The following MYH9 variants were observed in gnomAD, a reference collection of about 807,000 sequenced individuals.
MYH9 encodes myosin-9.
A neutral mutation model predicts 241.9 loss-of-function variants in MYH9; 29 were observed. That is an observed-to-expected ratio of 0.12 (90% CI 0.09 to 0.16). The LOEUF (loss-of-function observed/expected upper bound fraction) is 0.16, where lower values mean the gene tolerates loss of function less well. MYH9 is among the 10% of genes least tolerant of loss of function. MYH9 has a pLI of 1.00. For missense variants in MYH9, 1,803 were observed against 2,595.5 expected (o/e 0.69, Z 6.63); for synonymous variants, 1,047 against 1,062.6 (o/e 0.99, Z 0.29).
rs2016969026 is a variant in MYH9 at position 36,306,304 on chromosome 22, C to T, written c.2037+110G>A. The T allele has an allele frequency of 7.0e-7, 1 of 1,424,920 alleles. No individual in the cohort carries two copies. The highest frequency in any genetic ancestry group is 1.9e-5 in the Admixed American group (1 of 52,344). The allele number at this position is 1,424,920 out of a possible 1,614,324, so 88.3% of individuals were successfully genotyped here. On this transcript the variant is annotated intron_variant, in intron 16 of 40. Transcript: ENST00000216181. The surrounding 1 kb of genome is among the most constrained non-coding windows in gnomAD (Gnocchi z 4.1). ...CACCCTGCAGAGAAACGACTGAAGG[C>T]TCTGTGCATGCTGGGGGGCTGGAGG...
At position 36,307,253 on chromosome 22, in the gene MYH9, C is replaced by T. The variant is rs192628914; in HGVS notation, c.1844-646G>A. Among the ~76,000 whole-genome samples, 571 of 152,290 alleles carry T rather than the reference C, an allele frequency of 3.7e-3. 1 individual carries two copies. The highest frequency in any genetic ancestry group is 6.1e-3 in the Non-Finnish European group (418 of 68,016). Reference sequence around the variant, plus strand: ...CACGTACTTGTATTTCATTTTGTCTCCTGGTGCACGGGTCTTTCTCATGTA... The same window carrying T: ...CACGTACTTGTATTTCATTTTGTCTTCTGGTGCACGGGTCTTTCTCATGTA... On this transcript the variant is annotated intron_variant, in intron 15 of 40. Transcript: ENST00000216181.
At position 36,284,481 on chromosome 22, in the gene MYH9, A is replaced by C. The variant is rs2016545896; in HGVS notation, c.5514T>G (p.Arg1838=). 6.2e-7 allele frequency: 1 copy of C among 1,613,152 alleles called. No individual in the cohort carries two copies. Among genetic ancestry groups the C allele is most frequent in the Admixed American group, 1.7e-5 (1 of 60,006 alleles). Residue 1838 remains arginine (R), a synonymous_variant, in exon 39 of 41, where the codon CGT becomes CGG. Coordinates refer to ENST00000216181, the MANE Select transcript of MYH9 (RefSeq NM_002473.6). ...KERQAACKQV[R]RTEKKLKDVL... ...CATCCTTCAGCTTCTTCTCGGTCCG[A>C]CGCACCTGTTTGCAGGCTGCCTGGC...
intron 19 of MYH9, among the ~76,000 whole-genome samples, chr22:36,302,935 G>T (rs1220659898): frequency 1.3e-5 from 2 of 152,202 alleles, no homozygotes; most frequent in Non-Finnish European, 2.9e-5. Flanking sequence ...GTGCCCATGG[G>T]GGTGAAGGCA....
In MYH9 at chr22:36,285,265, C is replaced by T. The variant is rs760128307; in HGVS notation, c.5339G>A (p.Arg1780Gln). The T allele has an allele frequency of 7.4e-6, 12 of 1,614,024 alleles. No individual in the cohort carries two copies. In the South Asian group the frequency reaches 7.7e-5, roughly 10 times the overall value. ...RSHAQKNENA[R>Q]QQLERQNKEL... is the part of the protein sequence containing the mutation. ...CTTGTTCTGGCGTTCCAGCTGCTGCCGAGCATTCTCGTTCTTCTGGGCGTG... is the reference window on the plus strand; with the variant it reads ...CTTGTTCTGGCGTTCCAGCTGCTGCTGAGCATTCTCGTTCTTCTGGGCGTG... The change falls in exon 38 of 41, where the codon CGG becomes CAG. Residue 1780 changes from arginine (R) to glutamine (Q), a missense_variant. This residue lies in a region of MYH9 where 876 missense variants were observed against 1,077.8 expected (regional missense o/e 0.81). Coordinates refer to ENST00000216181, the MANE Select transcript of MYH9 (RefSeq NM_002473.6). This position sits in a 1 kb window ranked among gnomAD's most constrained non-coding sequence, Gnocchi z 7.0.
intron 23 of MYH9, among the ~76,000 whole-genome samples, chr22:36,299,679 C>T (rs1427552334): frequency 6.6e-6 from 1 of 152,178 alleles, no homozygotes; most frequent in African/African-American, 2.4e-5. Context: ...ACTGGTTCCC[C>T]GGCTGCTATC....
chr22:36,295,195 C>T lies in MYH9; in HGVS notation c.3486-119G>A. The T allele has an allele frequency of 7.2e-7, 1 of 1,382,734 alleles. No individual in the cohort carries two copies. Among genetic ancestry groups the T allele is most frequent in the Non-Finnish European group, 1.0e-6 (1 of 980,106 alleles). 85.7% of individuals were successfully genotyped at this position (1,382,734 alleles called of 1,614,324 possible). On this transcript the variant is annotated intron_variant, in intron 26 of 40. Transcript: ENST00000216181. This position sits in a 1 kb window ranked among gnomAD's most constrained non-coding sequence, Gnocchi z 4.1. ...GGCACAGGCACTCCAGGCAGCTTTTCTACCCACCGGCCCCTCCTAGCCATC... is the reference window on the plus strand; with the variant it reads ...GGCACAGGCACTCCAGGCAGCTTTTTTACCCACCGGCCCCTCCTAGCCATC...
At chr22:36,311,003 C>T (rs1053390919) in intron 14 of MYH9, among the ~76,000 whole-genome samples, 4 of 152,092 alleles carry the variant, frequency 2.6e-5, no homozygotes, top group East Asian at 3.8e-4. Flanking sequence ...TAGAAGAGGC[C>T]GGCACAGGTG....
chr22:36,305,788 G>C lies in MYH9; in HGVS notation c.2159+142C>G. 1 of 1,206,542 alleles carries C rather than the reference G, an allele frequency of 8.3e-7. No individual in the cohort carries two copies. The highest frequency in any genetic ancestry group is 1.2e-6 in the Non-Finnish European group (1 of 825,762). The allele number at this position is 1,206,542 out of a possible 1,614,324, so 74.7% of individuals were successfully genotyped here. On this transcript the variant is annotated intron_variant, in intron 17 of 40. Coordinates refer to ENST00000216181, the MANE Select transcript of MYH9 (RefSeq NM_002473.6). This position sits in a 1 kb window ranked among gnomAD's most constrained non-coding sequence, Gnocchi z 4.7. The stretch of plus-strand genomic sequence containing the variant: ...GTGGAAAAGAGAAGGAGGTGGGGAA[G>C]AGCTGGCCAGACTCAGTTCTACATG...
chr22:36,368,176 AG>A (rs1337726979), intron 1 of MYH9, among the ~76,000 whole-genome samples: 1 of 152,220 alleles, frequency 6.6e-6, no homozygotes, highest in African/African-American at 2.4e-5. Flanking sequence ...GGGAATGAAA[AG>A]GCCCACCTCC....
At chr22:36,349,372 C>A (rs1330414340) in intron 1 of MYH9, 117 bp from the exon 2 acceptor site, 2 of 781,312 alleles carry the variant, frequency 2.6e-6, no homozygotes, top group South Asian at 1.6e-5. Context: ...CAGTAAAACT[C>A]TATATAACCA....
chr22:36,324,303 T>C (rs1347008706), intron 5 of MYH9, among the ~76,000 whole-genome samples: 3 of 152,238 alleles, frequency 2.0e-5, no homozygotes, highest in African/African-American at 7.2e-5. Context: ...ACAGAAGAGA[T>C]TTTAATTTTT....
chr22:36,335,720 A>G (rs1218544453), intron 3 of MYH9, among the ~76,000 whole-genome samples: 1 of 152,212 alleles, frequency 6.6e-6, no homozygotes, highest in East Asian at 1.9e-4. Context: ...AATTCCTTCA[A>G]GACCAGCCAG....
chr22:36,289,209 G>A lies in MYH9; in HGVS notation c.4433C>T (p.Ala1478Val). Residue 1478 changes from alanine to valine, a missense_variant, in exon 32 of 41, where the codon GCT becomes GTT. Around this residue, in one of 11 missense-constraint regions of MYH9, gnomAD observed 876 missense variants for 1,077.8 expected, o/e 0.81. Transcript: ENST00000216181. ...CTCCAGGGCCCGGGCCAGCGACAGAGCCTTGGTCTCCTTCTCTCGGGCCTC... is the reference window on the plus strand; with the variant it reads ...CTCCAGGGCCCGGGCCAGCGACAGAACCTTGGTCTCCTTCTCTCGGGCCTC... ...EAEAREKETK[A>V]LSLARALEEA... is the part of the protein sequence containing the mutation. 1 of 1,613,360 alleles carries A rather than the reference G, an allele frequency of 6.2e-7. No individual in the cohort carries two copies. The highest frequency in any genetic ancestry group is 1.3e-5 in the African/African-American group (1 of 75,078).
chr22:36,365,573 G>A (rs1242814245), intron 1 of MYH9, among the ~76,000 whole-genome samples: 1 of 151,846 alleles, frequency 6.6e-6, no homozygotes, highest in Non-Finnish European at 1.5e-5. Context: ...CAATTCTCCT[G>A]CCTCAGCCTC....
In MYH9 at chr22:36,305,382, T is replaced by C. The variant is rs1376837819; in HGVS notation, c.2160-280A>G. On this transcript the variant is annotated intron_variant, in intron 17 of 40. Transcript: ENST00000216181. The surrounding 1 kb of genome is among the most constrained non-coding windows in gnomAD (Gnocchi z 4.7). ...TGCTTCAGGTTGGACTAAGTGCTAATTGCCTGAGATCCTCATCTGTCACCC... is the reference window on the plus strand; with the variant it reads ...TGCTTCAGGTTGGACTAAGTGCTAACTGCCTGAGATCCTCATCTGTCACCC... Among the ~76,000 whole-genome samples the C allele has an allele frequency of 6.6e-6, 1 of 152,120 alleles. No individual in the cohort carries two copies. Among genetic ancestry groups the C allele is most frequent in the African/African-American group, 2.4e-5 (1 of 41,422 alleles).
At chr22:36,311,008 C>A (rs1184001251) in intron 14 of MYH9, among the ~76,000 whole-genome samples, 1 of 152,160 alleles carries the variant, frequency 6.6e-6, no homozygotes, top group Non-Finnish European at 1.5e-5. Flanking sequence ...GAGGCCGGCA[C>A]AGGTGTGCTA....
At chr22:36,366,505 T>C (rs1287926300) in intron 1 of MYH9, among the ~76,000 whole-genome samples, 2 of 152,084 alleles carry the variant, frequency 1.3e-5, no homozygotes, top group East Asian at 1.9e-4. Flanking sequence ...CTTGGCAAAG[T>C]GAAGGGTCAC....
chr22:36,324,894 C>G, intron 5 of MYH9: 1 of 592,654 alleles, frequency 1.7e-6, no homozygotes, highest in Non-Finnish European at 3.0e-6. Flanking sequence ...GTGCTGCCTT[C>G]CCCTCTACAA....
chr22:36,324,066 C>T (rs1403818996), intron 5 of MYH9, among the ~76,000 whole-genome samples: 4 of 152,256 alleles, frequency 2.6e-5, no homozygotes, highest in Admixed American at 6.5e-5. Context: ...CTGGCTGAAC[C>T]GCTCCCATTC....
Sources: gnomAD v4.1 joint callset for allele counts (sites outside exome capture counted in the v4.1 genomes callset) on GRCh38, gnomAD v4.1.1 for gene constraint, gnomAD v4.1.1 regional missense constraint, Gnocchi (gnomAD v3.1) non-coding constraint, MANE v1.5 for transcripts, NCBI Gene and HGNC (gene_info 2026-07-23, HGNC 2026-07-21) for gene names.